Variants in SNTG1 observed in about 807,000 individuals in gnomAD.
The protein encoded by SNTG1 is gamma-1-syntrophin.
A neutral mutation model predicts 74.7 loss-of-function variants in SNTG1; 39 were observed. The observed-to-expected ratio is 0.52, with a 90% confidence interval of 0.40 to 0.68. SNTG1 has a LOEUF of 0.68. Ranked by LOEUF, SNTG1 falls within the 30% of genes least tolerant of loss-of-function variation. SNTG1 has a pLI of 0.00. For synonymous variants in SNTG1, 254 were observed against 217.1 expected, an observed-to-expected ratio of 1.17 and a Z score of -1.49; for missense variants, 685 against 609.5, an observed-to-expected ratio of 1.12 and a Z score of -1.30.
At chr8:50,787,334 A>G (rs2095678599) in intron 18 of SNTG1, among the ~76,000 whole-genome samples, 1 of 151,896 alleles carries the variant, frequency 6.6e-6, no homozygotes, top group South Asian at 2.1e-4. Flanking sequence ...AAAAAAAGAA[A>G]CTAGACAATA....
chr8:50,187,994 C>T lies in SNTG1; in HGVS notation c.-28+15359C>T, dbSNP rs563705314. Among the ~76,000 whole-genome samples the T allele has an allele frequency of 1.1e-4, 16 of 152,246 alleles. No individual in the cohort carries two copies. The East Asian group carries it at 1.9e-3, about 18-fold the overall frequency. On this transcript the variant is annotated intron_variant, in intron 2 of 18. Coordinates refer to ENST00000642720, the MANE Select transcript of SNTG1 (RefSeq NM_018967.5). ...ACATACATATTATCCATCACTGCCA[C>T]CTTAGCCACTTTGTCACCAGCCAAT... is the stretch of plus-strand genomic sequence containing the variant.
chr8:50,370,764 A>T (rs905696865), intron 2 of SNTG1, among the ~76,000 whole-genome samples: 4 of 152,104 alleles, frequency 2.6e-5, no homozygotes, highest in African/African-American at 9.7e-5. Flanking sequence ...TGAAGTACAA[A>T]GTATGACCCA....
intron 8 of SNTG1, among the ~76,000 whole-genome samples, chr8:50,472,101 A>G (rs190891778): frequency 1.3e-5 from 2 of 152,194 alleles, no homozygotes; most frequent in Admixed American, 1.3e-4. Context: ...GAGAATTTTT[A>G]TTAATACATC....
chr8:50,091,493 A>G (rs1381140771), intron 1 of SNTG1, among the ~76,000 whole-genome samples: 2 of 152,026 alleles, frequency 1.3e-5, no homozygotes, highest in Non-Finnish European at 2.9e-5. Flanking sequence ...CTCTGTTTTT[A>G]TGTCATTAAC....
At chr8:50,074,664 A>C (rs372971233) in intron 1 of SNTG1, among the ~76,000 whole-genome samples, 1 of 152,238 alleles carries the variant, frequency 6.6e-6, no homozygotes, top group African/African-American at 2.4e-5. Context: ...GAAAAAGTTA[A>C]TATTGCTAGA....
At chr8:49,979,917 GA>G (rs1812525317) in intron 1 of SNTG1, among the ~76,000 whole-genome samples, 1 of 152,214 alleles carries the variant, frequency 6.6e-6, no homozygotes, top group South Asian at 2.1e-4. Context: ...CTATCCTGGT[GA>G]AAGAGCTTGC....
intron 9 of SNTG1, among the ~76,000 whole-genome samples, chr8:50,510,579 G>C (rs923991860): frequency 3.3e-5 from 5 of 152,214 alleles, no homozygotes; most frequent in African/African-American, 1.2e-4. Context: ...ATTAATTATT[G>C]CCACAATTTC....
chr8:50,508,962 T>A (rs1429332110), intron 9 of SNTG1, among the ~76,000 whole-genome samples: 1 of 152,232 alleles, frequency 6.6e-6, no homozygotes, highest in Non-Finnish European at 1.5e-5. Flanking sequence ...TTGTTGCCAT[T>A]GCTTTTGGTG....
intron 2 of SNTG1, among the ~76,000 whole-genome samples, chr8:50,240,370 C>T (rs1808954267): frequency 1.3e-5 from 2 of 152,104 alleles, no homozygotes; most frequent in Non-Finnish European, 2.9e-5. Flanking sequence ...TTCATAATTT[C>T]TCCTTAATAA....
At chr8:49,924,929 C>T (rs1051916372) in intron 1 of SNTG1, among the ~76,000 whole-genome samples, 1 of 151,812 alleles carries the variant, frequency 6.6e-6, no homozygotes, top group Non-Finnish European at 1.5e-5. Flanking sequence ...GCAGGAGGAT[C>T]GCTTGAGGCC....
At chr8:50,464,334 C>T (rs1221523729) in intron 8 of SNTG1, among the ~76,000 whole-genome samples, 1 of 152,110 alleles carries the variant, frequency 6.6e-6, no homozygotes, top group African/African-American at 2.4e-5. Context: ...CCTTCCAATA[C>T]CCCTTCCTCA....
At chr8:50,144,583 T>A (rs148816003) in intron 1 of SNTG1, among the ~76,000 whole-genome samples, 1 of 152,100 alleles carries the variant, frequency 6.6e-6, no homozygotes, top group East Asian at 1.9e-4. Context: ...GTAGGGTGAA[T>A]TGGAGGGCTC....
At chr8:50,534,972 G>A (rs1171201754) in intron 10 of SNTG1, among the ~76,000 whole-genome samples, 1 of 151,776 alleles carries the variant, frequency 6.6e-6, no homozygotes, top group East Asian at 1.9e-4. Context: ...AAATAATTTT[G>A]CCCCTTATTT....
chr8:50,287,495 AAC>A (rs1491119895), intron 2 of SNTG1, among the ~76,000 whole-genome samples: 7 of 151,610 alleles, frequency 4.6e-5, no homozygotes, highest in African/African-American at 1.7e-4. Context: ...CAGGTTTCCC[AAC>A]AAGCACAAAG....
At chr8:50,422,277 A>ATCTATCTATCTATCTATCTATCTATCTG (rs759085505) in intron 4 of SNTG1, among the ~76,000 whole-genome samples, 14 of 151,574 alleles carry the variant, frequency 9.2e-5, no homozygotes, top group South Asian at 4.2e-4. Context: ...TCTACTATCT[A>ATCTATCTATCTATCTATCTATCTATCTG]TCTATCTATG....
intron 18 of SNTG1, among the ~76,000 whole-genome samples, chr8:50,769,123 A>G (rs1488760070): frequency 6.6e-6 from 1 of 151,356 alleles, no homozygotes. Context: ...AGAATAGTGA[A>G]TTTCTCTACC....
intron 1 of SNTG1, among the ~76,000 whole-genome samples, chr8:50,036,022 A>G (rs1162004636): frequency 6.6e-6 from 1 of 152,194 alleles, no homozygotes; most frequent in East Asian, 1.9e-4. Flanking sequence ...AATTAAAAAA[A>G]AATTGGTCTC....
intron 1 of SNTG1, among the ~76,000 whole-genome samples, chr8:49,993,797 A>C (rs376098282): frequency 1.3e-4 from 20 of 152,256 alleles, no homozygotes; most frequent in South Asian, 6.2e-4. Context: ...TTCTTTATGC[A>C]GTCTATCATT....
intron 13 of SNTG1, among the ~76,000 whole-genome samples, chr8:50,644,966 G>A (rs536392541): frequency 8.7e-4 from 130 of 150,238 alleles, no homozygotes; most frequent in African/African-American, 3.0e-3. Context: ...ATGTTGCCGA[G>A]GCTGGTCTTA....
Sources: gnomAD v4.1 joint callset for allele counts (sites outside exome capture counted in the v4.1 genomes callset) on GRCh38, gnomAD v4.1.1 for gene constraint, MANE v1.5 for transcripts, NCBI Gene and HGNC (gene_info 2026-07-23, HGNC 2026-07-21) for gene names.